The following CLDN10 variants were observed in gnomAD, a reference collection of about 807,000 sequenced individuals.
CLDN10 encodes the protein claudin 10, also known as claudin-10.
CLDN10 carries 15 observed loss-of-function variants against 22.9 expected under a neutral mutation model. That is an observed-to-expected ratio of 0.65 (90% CI 0.44 to 1.01). The LOEUF (loss-of-function observed/expected upper bound fraction) is 1.01. Ranked by LOEUF, CLDN10 falls within the 50% of genes least tolerant of loss-of-function variation. CLDN10 has a pLI of 0.00. For synonymous variants in CLDN10, 114 were observed against 111.4 expected, an observed-to-expected ratio of 1.02 and a Z score of -0.15; for missense variants, 247 against 287.8, an observed-to-expected ratio of 0.86 and a Z score of 1.03.
chr13:95,499,315 G>T (rs2042959708), intron 1 of CLDN10, among the ~76,000 whole-genome samples: 2 of 152,216 alleles, frequency 1.3e-5, no homozygotes, highest in African/African-American at 4.8e-5. Context: ...GCTGAGGCAG[G>T]TGAATCACCT....
At chr13:95,471,418 T>TATACACAC (rs1324729354) in intron 1 of CLDN10, among the ~76,000 whole-genome samples, 8 of 106,480 alleles carry the variant, frequency 7.5e-5, no homozygotes, top group Non-Finnish European at 9.7e-5. Context: ...CACACACATA[T>TATACACAC]ACACACACAC....
chr13:95,542,198 T>C (rs1161164978), intron 1 of CLDN10, among the ~76,000 whole-genome samples: 2 of 152,128 alleles, frequency 1.3e-5, no homozygotes, highest in Non-Finnish European at 2.9e-5. Flanking sequence ...GCTGAACCAT[T>C]CGTGAGAAAT....
chr13:95,446,108 G>A (rs1202421640), intron 1 of CLDN10, among the ~76,000 whole-genome samples: 1 of 152,188 alleles, frequency 6.6e-6, no homozygotes, highest in Admixed American at 6.5e-5. Context: ...TCCGGTTTAG[G>A]ATCACTTGGA....
intron 1 of CLDN10, among the ~76,000 whole-genome samples, chr13:95,502,645 G>A (rs971094040): frequency 7.2e-5 from 11 of 152,008 alleles, no homozygotes; most frequent in Admixed American, 4.6e-4. Flanking sequence ...TTAGCCTCCC[G>A]ACTAGCTGGG....
At chr13:95,453,764 G>C (rs1479486030) in intron 1 of CLDN10, among the ~76,000 whole-genome samples, 4 of 151,966 alleles carry the variant, frequency 2.6e-5, no homozygotes, top group African/African-American at 7.2e-5. Flanking sequence ...TCTAGGAAAG[G>C]TCCATAGGCA....
intron 1 of CLDN10, among the ~76,000 whole-genome samples, chr13:95,502,438 C>T (rs1254039976): frequency 1.3e-5 from 2 of 152,154 alleles, no homozygotes; most frequent in Non-Finnish European, 2.9e-5. Context: ...GAAAGTTTTC[C>T]CCACTTCAAC....
chr13:95,500,354 C>T (rs1386230268), intron 1 of CLDN10, among the ~76,000 whole-genome samples: 2 of 152,140 alleles, frequency 1.3e-5, no homozygotes, highest in Non-Finnish European at 2.9e-5. Flanking sequence ...AGCCTGAGGC[C>T]TCAATGCCTC....
At chr13:95,511,696 T>C (rs1319755299) in intron 1 of CLDN10, among the ~76,000 whole-genome samples, 1 of 150,452 alleles carries the variant, frequency 6.6e-6, no homozygotes, top group African/African-American at 2.4e-5. Flanking sequence ...ATATGAGCAA[T>C]GTGTTTGACC....
intron 1 of CLDN10, among the ~76,000 whole-genome samples, chr13:95,508,411 C>A (rs1159527522): frequency 6.6e-6 from 1 of 152,210 alleles, no homozygotes; most frequent in Non-Finnish European, 1.5e-5. Context: ...TTACTCCCTG[C>A]TTTGCATTAT....
rs139775564 is a variant in CLDN10, at chr13:95,457,590, A to G, written c.214+23543A>G. ...CTCTAGTTTCCTACTCGAGTTTCAG[A>G]TACTCTGCAACTAGAAATGACCTTA... On this transcript the variant is annotated intron_variant, in intron 1 of 4. Coordinates refer to the CLDN10 transcript ENST00000376873. Among the ~76,000 whole-genome samples the G allele has an allele frequency of 4.1e-3, 624 of 152,212 alleles. 5 individuals carry two copies. The highest frequency in any genetic ancestry group is 0.015 in the African/African-American group (614 of 41,518).
chr13:95,495,128 T>C (rs1324081258), intron 1 of CLDN10, among the ~76,000 whole-genome samples: 1 of 151,762 alleles, frequency 6.6e-6, no homozygotes, highest in Non-Finnish European at 1.5e-5. Context: ...CTCCACCTCC[T>C]GAGTTCAAGC....
intron 1 of CLDN10, among the ~76,000 whole-genome samples, chr13:95,438,975 CAAAAAAAA>C (rs397851895): frequency 1.6e-5 from 1 of 62,210 alleles, no homozygotes. Context: ...GACTCCATCG[CAAAAAAAA>C]AAAAAAAAAA....
At position 95,525,554 on chromosome 13, in the gene CLDN10, G is replaced by A. The variant is rs545482248; in HGVS notation, c.215-34578G>A. 1.4e-3 allele frequency among the ~76,000 whole-genome samples: 209 copies of A among 152,186 alleles called. 1 individual carries two copies. Among genetic ancestry groups the A allele is most frequent in the African/African-American group, 4.8e-3 (199 of 41,510 alleles). On this transcript the variant is annotated intron_variant, in intron 1 of 4. Transcript: ENST00000376873. ...ATCGCCCAGGCTGGAGTACAGTGGC[G>A]TAATCGTGGCTCACTGCAACCTCCA...
In CLDN10 at chr13:95,471,418, TAC is replaced by T. The variant is rs1219762768; in HGVS notation, c.214+37393_214+37394del. On this transcript the variant is annotated intron_variant, in intron 1 of 4. Coordinates refer to the CLDN10 transcript ENST00000376873. ...ACATGTATATATACACACACACATA[TAC>T]ACACACACACACACACACACATATA... Among the ~76,000 whole-genome samples the T allele has an allele frequency of 4.2e-3, 447 of 106,414 alleles. 5 individuals carry two copies. Among genetic ancestry groups the T allele is most frequent in the African/African-American group, 0.011 (308 of 27,868 alleles). The allele number at this position is 106,414 out of a possible 152,430, so 69.8% of individuals were successfully genotyped here.
At chr13:95,549,855 G>T (rs1416352279), upstream of CLDN10, among the ~76,000 whole-genome samples, 4 of 152,176 alleles carry the variant, frequency 2.6e-5, no homozygotes, top group African/African-American at 4.8e-5. Flanking sequence ...GATTGTTTGT[G>T]GTGTTTCCCA....
At chr13:95,496,413 A>G (rs752957481) in intron 1 of CLDN10, among the ~76,000 whole-genome samples, 3 of 152,226 alleles carry the variant, frequency 2.0e-5, no homozygotes, top group Non-Finnish European at 4.4e-5. Flanking sequence ...GTCCTTTAAG[A>G]TAGGAAGATA....
intron 1 of CLDN10, among the ~76,000 whole-genome samples, chr13:95,520,706 G>A (rs2043215756): frequency 6.6e-6 from 1 of 152,132 alleles, no homozygotes; most frequent in African/African-American, 2.4e-5. Flanking sequence ...GATGAGGGCG[G>A]GCGTGGTGGC....
At chr13:95,538,517 C>G (rs968600150) in intron 1 of CLDN10, among the ~76,000 whole-genome samples, 3 of 152,162 alleles carry the variant, frequency 2.0e-5, no homozygotes, top group African/African-American at 7.2e-5. Flanking sequence ...TCAATTGATT[C>G]ATCATATTGA....
At chr13:95,473,614 AT>A (rs2042657289) in intron 1 of CLDN10, among the ~76,000 whole-genome samples, 1 of 152,138 alleles carries the variant, frequency 6.6e-6, no homozygotes, top group African/African-American at 2.4e-5. Flanking sequence ...CTGACCTCTA[AT>A]GAGAGCATGC....
Sources: gnomAD v4.1 joint callset for allele counts (sites outside exome capture counted in the v4.1 genomes callset) on GRCh38, gnomAD v4.1.1 for gene constraint, MANE v1.5 for transcripts, NCBI Gene and HGNC (gene_info 2026-07-23, HGNC 2026-07-21) for gene names.